The following DMRT1 variants were observed in gnomAD, a reference collection of about 807,000 sequenced individuals.
The protein encoded by DMRT1 is doublesex- and mab-3-related transcription factor 1.
A neutral mutation model predicts 32.3 loss-of-function variants in DMRT1; 7 were observed. The ratio of observed to expected loss-of-function variants is 0.22; its 90% confidence interval spans 0.12 to 0.41. The LOEUF (loss-of-function observed/expected upper bound fraction) is 0.41, where lower values mean the gene tolerates loss of function less well. Among genes scored for constraint, DMRT1 ranks in the 10% least tolerant of loss-of-function variants. The pLI is 1.00. For synonymous variants in DMRT1, 278 were observed against 206.1 expected (o/e 1.35, Z -2.99); for missense variants, 625 against 500.5 (o/e 1.25, Z -2.37).
At chr9:914,139 A>C (rs1413270814) in intron 3 of DMRT1, among the ~76,000 whole-genome samples, 3 of 152,172 alleles carry the variant, frequency 2.0e-5, no homozygotes, top group Admixed American at 1.3e-4. Flanking sequence ...GTAAACAGCT[A>C]CCATGATTGT....
intron 4 of DMRT1, among the ~76,000 whole-genome samples, chr9:948,021 A>G (rs939388072): frequency 2.0e-5 from 3 of 152,114 alleles, no homozygotes; most frequent in Admixed American, 2.0e-4. Flanking sequence ...GAATCAGTTC[A>G]TTTTTCATTT....
At chr9:955,507 C>G (rs918368960) in intron 4 of DMRT1, among the ~76,000 whole-genome samples, 9 of 152,122 alleles carry the variant, frequency 5.9e-5, no homozygotes, top group Non-Finnish European at 1.3e-4. Flanking sequence ...GAGTTCAAGA[C>G]CAGCCTGAGC....
chr9:890,405 A>G (rs73374740), intron 2 of DMRT1, among the ~76,000 whole-genome samples: 5,807 of 152,286 alleles, frequency 0.038, 156 homozygotes, highest in African/African-American at 0.078. Flanking sequence ...GGAATAGAAT[A>G]AAACAGTGGT....
At chr9:859,274 G>A (rs780546205) in intron 2 of DMRT1, among the ~76,000 whole-genome samples, 7 of 152,154 alleles carry the variant, frequency 4.6e-5, no homozygotes, top group Non-Finnish European at 1.0e-4. Context: ...GGGCTCCAAA[G>A]TCTGTAAAAT....
At chr9:945,935 G>T (rs1351532958) in intron 4 of DMRT1, among the ~76,000 whole-genome samples, 2 of 151,960 alleles carry the variant, frequency 1.3e-5, no homozygotes. Context: ...TTTAACATAA[G>T]GGGTGTTGTA....
intron 2 of DMRT1, among the ~76,000 whole-genome samples, chr9:865,762 C>T (rs765826878): frequency 7.2e-5 from 11 of 152,124 alleles, no homozygotes; most frequent in Non-Finnish European, 1.5e-4. Flanking sequence ...TGTATTAAAC[C>T]GTCCCATTAG....
chr9:890,085 G>GTTTTTT (rs35228255), intron 2 of DMRT1, among the ~76,000 whole-genome samples: 8 of 102,992 alleles, frequency 7.8e-5, no homozygotes, highest in Admixed American at 1.3e-4. Flanking sequence ...CACCAAACGT[G>GTTTTTT]TTTTTTTTTT....
intron 3 of DMRT1, among the ~76,000 whole-genome samples, chr9:910,530 A>T (rs187444381): frequency 0.01 from 1,577 of 150,984 alleles, 28 homozygotes; most frequent in African/African-American, 0.035. Flanking sequence ...TTTTTTTTTT[A>T]AAAAAAGAAG....
intron 4 of DMRT1, among the ~76,000 whole-genome samples, chr9:938,071 C>T (rs1055725156): frequency 2.0e-5 from 3 of 151,864 alleles, no homozygotes; most frequent in Admixed American, 6.6e-5. Context: ...GTGGATATCC[C>T]GTTTTCCCAA....
chr9:900,028 A>G (rs1473042698), intron 3 of DMRT1, among the ~76,000 whole-genome samples: 1 of 152,234 alleles, frequency 6.6e-6, no homozygotes, highest in African/African-American at 2.4e-5. Context: ...GAATGCATTC[A>G]TGTCTTAACA....
intron 2 of DMRT1, among the ~76,000 whole-genome samples, chr9:872,089 TCTCA>T (rs1816292405): frequency 6.6e-6 from 1 of 151,334 alleles, no homozygotes; most frequent in Admixed American, 6.6e-5. Context: ...TGTGATGGCA[TCTCA>T]CTCTGTCACC....
intron 4 of DMRT1, among the ~76,000 whole-genome samples, chr9:929,853 G>T (rs115187182): frequency 6.6e-6 from 1 of 152,096 alleles, no homozygotes; most frequent in South Asian, 2.1e-4. Context: ...GTGCCAGTTA[G>T]TGTCTGGGCC....
At chr9:849,313 A>G (rs940515445) in intron 2 of DMRT1, among the ~76,000 whole-genome samples, 3 of 152,182 alleles carry the variant, frequency 2.0e-5, no homozygotes, top group Non-Finnish European at 4.4e-5. Context: ...TCTAATCCTC[A>G]GAGTAATTTA....
intron 4 of DMRT1, among the ~76,000 whole-genome samples, chr9:958,369 A>G (rs555744782): frequency 1.3e-5 from 2 of 152,276 alleles, no homozygotes; most frequent in Non-Finnish European, 2.9e-5. Flanking sequence ...AAAGTGTCAG[A>G]ATATTTTTAT....
At position 924,070 on chromosome 9, in the gene DMRT1, CT is replaced by C. The variant is rs1554757297; in HGVS notation, c.967+7181del. On this transcript the variant is annotated intron_variant, in intron 4 of 4. Transcript: ENST00000382276. ...GAGCCAGTAGTAAGATGATCAATCT[CT>C]TTTTTTTTTTTTTTTTTCCACCTGG... 3.4e-3 allele frequency among the ~76,000 whole-genome samples: 293 copies of C among 87,038 alleles called. 2 individuals are homozygous for C. The highest frequency in any genetic ancestry group is 8.5e-3 in the African/African-American group (237 of 27,902). The allele number at this position is 87,038 out of a possible 152,430, so 57.1% of individuals were successfully genotyped here. A position where few individuals can be genotyped will look rare whatever the true frequency, so the allele number is the denominator to read the frequency against.
chr9:951,444 C>G (rs993615227), intron 4 of DMRT1, among the ~76,000 whole-genome samples: 1 of 152,144 alleles, frequency 6.6e-6, no homozygotes, highest in Non-Finnish European at 1.5e-5. Context: ...AAAAATAAAA[C>G]TTGATTTATC....
chr9:861,430 A>G (rs562982973), intron 2 of DMRT1, among the ~76,000 whole-genome samples: 2 of 152,336 alleles, frequency 1.3e-5, no homozygotes, highest in East Asian at 3.9e-4. Context: ...AATTTTTCCT[A>G]GTACAGAACA....
chr9:879,228 G>A (rs951292122), intron 2 of DMRT1, among the ~76,000 whole-genome samples: 2 of 152,048 alleles, frequency 1.3e-5, no homozygotes, highest in African/African-American at 2.4e-5. Flanking sequence ...AAGTATTGAG[G>A]ACCTCAAGAG....
At chr9:862,165 G>C (rs1451123837) in intron 2 of DMRT1, among the ~76,000 whole-genome samples, 1 of 150,722 alleles carries the variant, frequency 6.6e-6, no homozygotes, top group Non-Finnish European at 1.5e-5. Context: ...GGGAGGTGGA[G>C]GTTGTAGCGA....
Sources: gnomAD v4.1 joint callset for allele counts (sites outside exome capture counted in the v4.1 genomes callset) on GRCh38, gnomAD v4.1.1 for gene constraint, MANE v1.5 for transcripts, NCBI Gene and HGNC (gene_info 2026-07-23, HGNC 2026-07-21) for gene names.